TRMT11: variants seen among roughly 807,000 people sequenced by gnomAD.
The protein encoded by TRMT11 is tRNA methyltransferase 11, also known as tRNA (guanine(10)-N(2))-methyltransferase TRMT11.
TRMT11 carries 53 observed loss-of-function variants against 62.8 expected under a neutral mutation model. The ratio of observed to expected loss-of-function variants is 0.84; its 90% CI spans 0.68 to 1.06. The LOEUF (loss-of-function observed/expected upper bound fraction) is 1.06, where lower values mean the gene tolerates loss of function less well. Among genes scored for constraint, TRMT11 ranks in the 50% least tolerant of loss-of-function variants. The probability of loss-of-function intolerance (pLI) is 0.00; values close to 1 mark genes in which losing one functional copy is unlikely to be tolerated. For missense variants in TRMT11, 556 were observed against 553.4 expected (o/e 1.00, Z -0.05); for synonymous variants, 188 against 190.3 (o/e 0.99, Z 0.10).
At chr6:126,013,999 A>C (rs2128832803) in intron 11 of TRMT11, among the ~76,000 whole-genome samples, 1 of 152,360 alleles carries the variant, frequency 6.6e-6, no homozygotes. Context: ...TCAAAAGCTA[A>C]GACCAAAATA....
chr6:125,989,779 C>T (rs1310947496), intron 1 of TRMT11, among the ~76,000 whole-genome samples: 1 of 152,116 alleles, frequency 6.6e-6, no homozygotes, highest in Non-Finnish European at 1.5e-5. Flanking sequence ...AATCTTTAGT[C>T]GGGCATTCAA....
the TRMT11 span, among the ~76,000 whole-genome samples, chr6:126,237,832 A>G: frequency 4.6e-5 from 7 of 152,222 alleles, no homozygotes; most frequent in African/African-American, 9.6e-5. Flanking sequence ...CTGTGAATCC[A>G]TCTGGTCCTG....
At chr6:126,103,780 C>T (rs1037075789) in intron 17 of TRMT11, among the ~76,000 whole-genome samples, 3 of 152,166 alleles carry the variant, frequency 2.0e-5, no homozygotes, top group African/African-American at 7.2e-5. Context: ...GAGAGAGAGT[C>T]TTTGGAGCAA....
chr6:126,237,556 C>T, the TRMT11 span, among the ~76,000 whole-genome samples: 1 of 152,040 alleles, frequency 6.6e-6, no homozygotes, highest in Non-Finnish European at 1.5e-5. Context: ...TGGCACATGC[C>T]TGACATCCTA....
intron 21 of TRMT11, among the ~76,000 whole-genome samples, chr6:126,128,578 T>C (rs1378813525): frequency 6.6e-6 from 1 of 152,148 alleles, no homozygotes; most frequent in Non-Finnish European, 1.5e-5. Flanking sequence ...TAAATATGTG[T>C]GTTTTCCCCA....
intron 17 of TRMT11, among the ~76,000 whole-genome samples, chr6:126,111,492 C>T (rs1777531048): frequency 1.3e-5 from 2 of 152,092 alleles, no homozygotes; most frequent in African/African-American, 2.4e-5. Context: ...ATGGAAACTG[C>T]ACAACATTAG....
chr6:126,193,585 C>G (rs1002034240), intron 1 of TRMT11, among the ~76,000 whole-genome samples: 5 of 149,788 alleles, frequency 3.3e-5, no homozygotes, highest in Admixed American at 3.3e-4. Flanking sequence ...CTTCGCCTCC[C>G]AGGTTCACGC....
chr6:126,096,701 G>C (rs963495511), intron 17 of TRMT11, among the ~76,000 whole-genome samples: 7 of 152,068 alleles, frequency 4.6e-5, no homozygotes, highest in Non-Finnish European at 8.8e-5. Context: ...TCCCTAGAAT[G>C]ATCCTGTACC....
chr6:126,178,537 T>C (rs998099745), intron 1 of TRMT11, among the ~76,000 whole-genome samples: 1 of 152,240 alleles, frequency 6.6e-6, no homozygotes, highest in South Asian at 2.1e-4. Flanking sequence ...TATATCTGTC[T>C]CTTCTAAGTT....
chr6:126,204,178 C>T (rs543824754), downstream of TRMT11, among the ~76,000 whole-genome samples: 13 of 152,310 alleles, frequency 8.5e-5, no homozygotes, highest in South Asian at 2.7e-3. Flanking sequence ...CTTCCCATTA[C>T]AGATATTATA....
intron 21 of TRMT11, among the ~76,000 whole-genome samples, chr6:126,140,924 G>C (rs1022624351): frequency 6.6e-6 from 1 of 151,948 alleles, no homozygotes; most frequent in African/African-American, 2.4e-5. Flanking sequence ...ATTAAAAAAT[G>C]CTTCGAATTT....
At position 126,131,079 on chromosome 6, in the gene TRMT11, C is replaced by T. The variant is rs139785277; in HGVS notation, c.*1823+15224C>T. On this transcript the variant is annotated intron_variant and NMD_transcript_variant, in intron 21 of 22. Coordinates refer to the TRMT11 transcript ENST00000648977. ...ATTTACATTTATTTTCTTTGGCAGA[C>T]ATAGACAAACACATTTCTGAAAACT... Among the ~76,000 whole-genome samples the T allele has an allele frequency of 5.9e-5, 9 of 152,106 alleles. No homozygotes were observed. In the East Asian group the frequency reaches 1.5e-3, roughly 26 times the overall value.
At chr6:126,158,335 C>G (rs1778145788) in intron 21 of TRMT11, among the ~76,000 whole-genome samples, 1 of 152,162 alleles carries the variant, frequency 6.6e-6, no homozygotes, top group Admixed American at 6.5e-5. Context: ...AATGCATGCT[C>G]ATGGTATAGT....
intron 7 of TRMT11, among the ~76,000 whole-genome samples, chr6:126,004,613 T>A (rs1430591745): frequency 6.6e-6 from 1 of 152,090 alleles, no homozygotes; most frequent in Non-Finnish European, 1.5e-5. Context: ...TGTGTCCTTC[T>A]CCATGGCCAT....
At chr6:126,174,784 C>A (rs1392228042), upstream of TRMT11, among the ~76,000 whole-genome samples, 1 of 152,144 alleles carries the variant, frequency 6.6e-6, no homozygotes, top group East Asian at 1.9e-4. Context: ...GGTAAAAAAC[C>A]TTTGCAACTT....
At chr6:126,136,831 G>A (rs369768180) in intron 21 of TRMT11, among the ~76,000 whole-genome samples, 3 of 151,464 alleles carry the variant, frequency 2.0e-5, no homozygotes, top group South Asian at 2.1e-4. Context: ...GTAAGTGCAT[G>A]TATTTACAGT....
At chr6:126,133,001 T>C (rs1777805203) in intron 21 of TRMT11, among the ~76,000 whole-genome samples, 1 of 152,014 alleles carries the variant, frequency 6.6e-6, no homozygotes, top group Non-Finnish European at 1.5e-5. Context: ...TACACTTAAC[T>C]CATCAGGATA....
At chr6:126,031,603 G>A (rs1303680089) in intron 12 of TRMT11, among the ~76,000 whole-genome samples, 2 of 152,168 alleles carry the variant, frequency 1.3e-5, no homozygotes, top group Non-Finnish European at 2.9e-5. Context: ...AGAAGCATGA[G>A]AGGCATTGTG....
intron 1 of TRMT11, among the ~76,000 whole-genome samples, chr6:126,181,144 C>T (rs1002093501): frequency 6.6e-6 from 1 of 152,068 alleles, no homozygotes; most frequent in Non-Finnish European, 1.5e-5. Context: ...TTACTGGAAA[C>T]TTGCTCTAGA....
Sources: gnomAD v4.1 joint callset for allele counts (sites outside exome capture counted in the v4.1 genomes callset) on GRCh38, gnomAD v4.1.1 for gene constraint, MANE v1.5 for transcripts, NCBI Gene and HGNC (gene_info 2026-07-23, HGNC 2026-07-21) for gene names.